Variants in SPAG16 observed in about 807,000 individuals in gnomAD.
The protein encoded by SPAG16 is sperm-associated antigen 16 protein.
SPAG16 carries 86 observed loss-of-function variants against 80.4 expected under a neutral mutation model. That is an observed-to-expected ratio of 1.07 (90% CI 0.90 to 1.28). The LOEUF is 1.28. Among genes scored for constraint, SPAG16 ranks in the 50% most tolerant of loss-of-function variants. The pLI is 0.00. For synonymous variants in SPAG16, 294 were observed against 265.9 expected (o/e 1.11, Z -1.03); for missense variants, 870 against 765.3 (o/e 1.14, Z -1.61).
chr2:214,244,244 A>C (rs549693150), intron 15 of SPAG16, among the ~76,000 whole-genome samples: 3 of 152,104 alleles, frequency 2.0e-5, no homozygotes, highest in South Asian at 4.1e-4. Flanking sequence ...GAAAATTGAA[A>C]ACATGACCTA....
At chr2:213,911,870 A>T (rs907145288) in intron 11 of SPAG16, among the ~76,000 whole-genome samples, 2 of 151,478 alleles carry the variant, frequency 1.3e-5, no homozygotes, top group East Asian at 3.9e-4. Flanking sequence ...ACGCACACAT[A>T]TATGTATGAT....
chr2:213,407,633 GA>G (rs2068700284), intron 9 of SPAG16, among the ~76,000 whole-genome samples: 1 of 76,010 alleles, frequency 1.3e-5, no homozygotes, highest in Admixed American at 1.3e-4. Flanking sequence ...GAGAGAGAGA[GA>G]GAGAGACAGA....
At chr2:214,132,965 G>A (rs539489713) in intron 14 of SPAG16, among the ~76,000 whole-genome samples, 8 of 152,076 alleles carry the variant, frequency 5.3e-5, no homozygotes, top group East Asian at 1.9e-4. Context: ...GGTGGCAGAC[G>A]CCTGTAATCC....
chr2:213,884,296 T>C (rs1207065940), intron 11 of SPAG16, among the ~76,000 whole-genome samples: 1 of 152,220 alleles, frequency 6.6e-6, no homozygotes, highest in African/African-American at 2.4e-5. Context: ...AAATTCTTGG[T>C]TGGAATGTCT....
chr2:214,044,232 A>T (rs1207013031), intron 13 of SPAG16, among the ~76,000 whole-genome samples: 5 of 152,214 alleles, frequency 3.3e-5, no homozygotes, highest in Non-Finnish European at 5.9e-5. Flanking sequence ...AGGACTAAGA[A>T]CTGTTTCTGT....
At chr2:214,152,618 A>G (rs2056027792) in intron 15 of SPAG16, among the ~76,000 whole-genome samples, 1 of 152,148 alleles carries the variant, frequency 6.6e-6, no homozygotes. Flanking sequence ...CAAGGAGATA[A>G]AAGAAAAGAC....
intron 15 of SPAG16, among the ~76,000 whole-genome samples, chr2:214,358,807 C>T (rs1698986430): frequency 6.6e-6 from 1 of 151,874 alleles, no homozygotes. Flanking sequence ...TCTAACTTGT[C>T]AGGTTGATCA....
chr2:213,951,668 G>A (rs150058672), intron 12 of SPAG16, among the ~76,000 whole-genome samples: 163 of 152,190 alleles, frequency 1.1e-3, no homozygotes, highest in Non-Finnish European at 1.9e-3. Flanking sequence ...TGACAAAAGA[G>A]TATAAATTAA....
intron 5 of SPAG16, among the ~76,000 whole-genome samples, chr2:213,320,100 G>A (rs1449820166): frequency 4.6e-5 from 7 of 151,902 alleles, no homozygotes; most frequent in African/African-American, 1.4e-4. Context: ...TATTAAGCAT[G>A]GTGTGCTTTC....
At chr2:214,201,261 C>T (rs183557154) in intron 15 of SPAG16, among the ~76,000 whole-genome samples, 41 of 152,164 alleles carry the variant, frequency 2.7e-4, no homozygotes, top group South Asian at 2.1e-4. Context: ...TAAACACTTT[C>T]GATTAGTTTC....
intron 10 of SPAG16, among the ~76,000 whole-genome samples, chr2:213,635,624 G>T (rs1285629102): frequency 2.0e-5 from 3 of 151,952 alleles, no homozygotes; most frequent in African/African-American, 7.3e-5. Flanking sequence ...CAGTAGGGTG[G>T]TATTGCATTG....
intron 10 of SPAG16, among the ~76,000 whole-genome samples, chr2:213,712,132 T>C (rs1218873217): frequency 6.6e-6 from 1 of 152,046 alleles, no homozygotes; most frequent in Non-Finnish European, 1.5e-5. Flanking sequence ...TGGATGTATA[T>C]TTGTGTGTAT....
chr2:213,678,417 T>TA (rs1280888111), intron 10 of SPAG16, among the ~76,000 whole-genome samples: 2 of 151,626 alleles, frequency 1.3e-5, no homozygotes, highest in African/African-American at 2.4e-5. Flanking sequence ...ATAGACACAA[T>TA]AAAAAATGAT....
chr2:213,482,674 A>G (rs1020038260), intron 9 of SPAG16, among the ~76,000 whole-genome samples: 1 of 152,140 alleles, frequency 6.6e-6, no homozygotes, highest in Non-Finnish European at 1.5e-5. Context: ...ATGCAATTTG[A>G]AATATCTGAT....
chr2:213,788,074 A>C (rs1023864909), intron 10 of SPAG16, among the ~76,000 whole-genome samples: 3 of 152,004 alleles, frequency 2.0e-5, no homozygotes, highest in African/African-American at 7.2e-5. Context: ...TTCACACAGA[A>C]TAATTTAACC....
At chr2:214,348,392 C>T (rs545663007) in intron 15 of SPAG16, among the ~76,000 whole-genome samples, 250 of 152,286 alleles carry the variant, frequency 1.6e-3, no homozygotes, top group African/African-American at 5.8e-3. Flanking sequence ...CTTTGACATT[C>T]CTTCAATCAA....
At chr2:213,775,511 G>A (rs2069517758) in intron 10 of SPAG16, among the ~76,000 whole-genome samples, 1 of 152,112 alleles carries the variant, frequency 6.6e-6, no homozygotes, top group Non-Finnish European at 1.5e-5. Context: ...CTCTTAACAA[G>A]TTTCCAAGTA....
rs375501904 is a variant in SPAG16, at chr2:214,377,742, T to G, written c.1721-32398T>G. The stretch of plus-strand genomic sequence containing the variant: ...CTGAGTATTGAAGGGTCAACCATAC[T>G]TGATATTAGCAGTGCTTATTGGTAG... On this transcript the variant is annotated intron_variant, in intron 15 of 15. Transcript: ENST00000331683. 6.6e-5 allele frequency among the ~76,000 whole-genome samples: 10 copies of G among 152,262 alleles called. No individual in the cohort carries two copies. In the South Asian group the frequency reaches 2.1e-3, roughly 32 times the overall value.
intron 10 of SPAG16, among the ~76,000 whole-genome samples, chr2:213,559,517 T>C (rs1252050775): frequency 4.6e-5 from 7 of 152,190 alleles, no homozygotes; most frequent in African/African-American, 1.7e-4. Flanking sequence ...TACCTACAGA[T>C]TTAATCAAAC....
Sources: gnomAD v4.1 joint callset for allele counts (sites outside exome capture counted in the v4.1 genomes callset) on GRCh38, gnomAD v4.1.1 for gene constraint, MANE v1.5 for transcripts, NCBI Gene and HGNC (gene_info 2026-07-23, HGNC 2026-07-21) for gene names.